The following DAB1 variants were observed in gnomAD, a reference collection of about 807,000 sequenced individuals.
DAB1 encodes DAB adaptor protein 1.
DAB1 carries 15 observed loss-of-function variants against 64.6 expected under a neutral mutation model. The ratio of observed to expected loss-of-function variants is 0.23; its 90% CI spans 0.16 to 0.36. The LOEUF (loss-of-function observed/expected upper bound fraction) is 0.36, where lower values mean the gene tolerates loss of function less well. Among genes scored for constraint, DAB1 ranks in the 10% least tolerant of loss-of-function variants. The pLI is 1.00. For synonymous variants in DAB1, 235 were observed against 251.9 expected, an observed-to-expected ratio of 0.93 and a Z score of 0.64; for missense variants, 596 against 706.7, an observed-to-expected ratio of 0.84 and a Z score of 1.78.
intron 4 of DAB1, among the ~76,000 whole-genome samples, chr1:58,260,692 G>A (rs1340439208): frequency 1.3e-5 from 2 of 152,150 alleles, no homozygotes; most frequent in Admixed American, 6.5e-5. Flanking sequence ...ATACATAGGT[G>A]CACACTGTTT....
intron 3 of DAB1, among the ~76,000 whole-genome samples, chr1:58,422,736 C>T (rs1198515947): frequency 6.6e-6 from 1 of 151,670 alleles, no homozygotes; most frequent in Non-Finnish European, 1.5e-5. Context: ...CACCAGCTGA[C>T]TTGCTGCCTG....
intron 6 of DAB1, among the ~76,000 whole-genome samples, chr1:57,813,588 A>C (rs1281390908): frequency 2.0e-5 from 3 of 152,206 alleles, no homozygotes; most frequent in South Asian, 2.1e-4. Flanking sequence ...GGGAGGTCTA[A>C]GTCATGTTTA....
intron 7 of DAB1, among the ~76,000 whole-genome samples, chr1:57,467,331 A>G (rs907703455): frequency 6.6e-6 from 1 of 152,212 alleles, no homozygotes. Context: ...TATGAGTTCA[A>G]TGAGTGTCAT....
chr1:58,209,019 A>G (rs979092695), intron 4 of DAB1, among the ~76,000 whole-genome samples: 3 of 152,222 alleles, frequency 2.0e-5, no homozygotes, highest in African/African-American at 7.2e-5. Context: ...AAAGTGACAC[A>G]TAAAATGAGT....
intron 5 of DAB1, among the ~76,000 whole-genome samples, chr1:58,103,482 C>A (rs1285084792): frequency 6.6e-6 from 1 of 152,092 alleles, no homozygotes; most frequent in African/African-American, 2.4e-5. Flanking sequence ...ATGAAGTCTA[C>A]TGAAAACAAA....
At chr1:57,444,797 T>G (rs941752574) in intron 7 of DAB1, among the ~76,000 whole-genome samples, 14 of 152,176 alleles carry the variant, frequency 9.2e-5, no homozygotes, top group African/African-American at 3.4e-4. Context: ...AGCATAGGGA[T>G]GTCAGCCCCT....
At chr1:57,243,604 T>C (rs1041504606) in intron 2 of DAB1, among the ~76,000 whole-genome samples, 1 of 152,182 alleles carries the variant, frequency 6.6e-6, no homozygotes, top group Non-Finnish European at 1.5e-5. Flanking sequence ...CACTTCTGAC[T>C]TCCAGGACTC....
At chr1:58,320,394 C>T (rs1250735896) in intron 4 of DAB1, among the ~76,000 whole-genome samples, 1 of 152,228 alleles carries the variant, frequency 6.6e-6, no homozygotes, top group African/African-American at 2.4e-5. Flanking sequence ...TATGTGTATA[C>T]ACTCCTTTTC....
chr1:58,079,872 C>A (rs141433018), intron 5 of DAB1: 1 of 152,130 alleles, frequency 6.6e-6, no homozygotes, highest in East Asian at 1.9e-4. Context: ...TATCTAAAAC[C>A]TCTATAAGGT....
intron 4 of DAB1, among the ~76,000 whole-genome samples, chr1:58,229,337 A>C (rs1250192639): frequency 6.6e-6 from 1 of 152,216 alleles, no homozygotes; most frequent in Non-Finnish European, 1.5e-5. Flanking sequence ...TTTGAAAAAT[A>C]GGTACGAGTA....
intron 1 of DAB1, among the ~76,000 whole-genome samples, chr1:57,303,559 G>A (rs1200709175): frequency 6.6e-6 from 1 of 152,242 alleles, no homozygotes; most frequent in African/African-American, 2.4e-5. Flanking sequence ...GAGACTAGAA[G>A]TGAAAAGATG....
intron 6 of DAB1, among the ~76,000 whole-genome samples, chr1:57,723,109 T>G (rs1279302439): frequency 6.6e-6 from 1 of 152,184 alleles, no homozygotes; most frequent in East Asian, 1.9e-4. Flanking sequence ...GCCCTCCAAA[T>G]TTAATTCTAG....
rs34907824 is a variant in DAB1, at chr1:57,614,868, CTT to C, written n.625+34722_625+34723del. ...TTTTGCCTTCTTTCTTTCTTTCTTTCTTTTTTTTTTTTTTTTTTTTGAGATGG... is the reference window on the plus strand; with the variant it reads ...TTTTGCCTTCTTTCTTTCTTTCTTTCTTTTTTTTTTTTTTTTTTGAGATGG... On this transcript the variant is annotated intron_variant and non_coding_transcript_variant, in intron 7 of 20. Coordinates refer to the DAB1 transcript ENST00000485760. Among the ~76,000 whole-genome samples, 15 of 38,756 alleles carry C rather than the reference CTT, an allele frequency of 3.9e-4. No individual in the cohort carries two copies. In the East Asian group the frequency reaches 8.2e-3, roughly 21 times the overall value. The allele number at this position is 38,756 out of a possible 152,430, so 25.4% of individuals were successfully genotyped here.
chr1:57,844,532 C>T (rs994724243), intron 1 of DAB1, among the ~76,000 whole-genome samples: 8 of 152,190 alleles, frequency 5.3e-5, no homozygotes, highest in Admixed American at 3.3e-4. Flanking sequence ...AGGAAGACGT[C>T]TGCCAGAGTG....
intron 7 of DAB1, among the ~76,000 whole-genome samples, chr1:57,454,462 C>A (rs1019253469): frequency 4.6e-5 from 7 of 151,820 alleles, no homozygotes; most frequent in African/African-American, 1.2e-4. Context: ...GATGAGAACC[C>A]CTGAACACAA....
At chr1:57,426,806 AT>A (rs1225377380), upstream of DAB1, among the ~76,000 whole-genome samples, 2 of 151,830 alleles carry the variant, frequency 1.3e-5, no homozygotes, top group Non-Finnish European at 2.9e-5. Context: ...CAACCCTACA[AT>A]GGTGGTGGAT....
intron 5 of DAB1, among the ~76,000 whole-genome samples, chr1:58,037,032 A>T (rs948994564): frequency 6.6e-6 from 1 of 151,870 alleles, no homozygotes; most frequent in Non-Finnish European, 1.5e-5. Flanking sequence ...TAGAATGAAG[A>T]CCCTAGGATG....
At chr1:57,416,375 C>T (rs913645274) in intron 1 of DAB1, among the ~76,000 whole-genome samples, 1 of 152,156 alleles carries the variant, frequency 6.6e-6, no homozygotes, top group Admixed American at 6.5e-5. Context: ...ACCTCATAAA[C>T]TTTCAATGCA....
chr1:57,172,551 T>C lies in DAB1; in HGVS notation c.68-27122A>G, dbSNP rs184343506. 5.3e-5 allele frequency among the ~76,000 whole-genome samples: 8 copies of C among 152,264 alleles called. No homozygotes were observed. The East Asian group carries it at 5.8e-4, about 11-fold the overall frequency. ...GGCTCATGGTTCTGCAGGCTGTAGATAGACTGAAGCATAGACAGCATCTGT... is the reference window on the plus strand; with the variant it reads ...GGCTCATGGTTCTGCAGGCTGTAGACAGACTGAAGCATAGACAGCATCTGT... On this transcript the variant is annotated intron_variant, in intron 2 of 14. Coordinates refer to ENST00000371236, the MANE Select transcript of DAB1 (RefSeq NM_001365792.1).
Sources: allele counts gnomAD v4.1 joint callset (sites outside exome capture counted in the v4.1 genomes callset), GRCh38; gene constraint gnomAD v4.1.1; transcripts MANE v1.5; gene names NCBI Gene and HGNC (gene_info 2026-07-23, HGNC 2026-07-21).